The following CNTN5 variants were observed in gnomAD, a reference collection of about 807,000 sequenced individuals.
The protein encoded by CNTN5 is contactin-5.
Under a neutral mutation model 129.1 loss-of-function variants are expected in CNTN5, and 77 were observed. That is an observed-to-expected ratio of 0.60 (90% CI 0.50 to 0.72). CNTN5 has a LOEUF of 0.72. CNTN5 is among the 30% of genes least tolerant of loss of function. CNTN5 has a pLI of 0.00. For synonymous variants in CNTN5, 509 were observed against 465.6 expected, an observed-to-expected ratio of 1.09 and a Z score of -1.20; for missense variants, 1,478 against 1,328.8, an observed-to-expected ratio of 1.11 and a Z score of -1.75.
At chr11:99,396,873 G>A (rs1941552817) in intron 2 of CNTN5, among the ~76,000 whole-genome samples, 1 of 151,702 alleles carries the variant, frequency 6.6e-6, no homozygotes, top group Middle Eastern at 3.2e-3. Context: ...AATAAAACAA[G>A]TATCTAGTGC....
chr11:99,894,126 C>G (rs1949135910), intron 6 of CNTN5, among the ~76,000 whole-genome samples: 1 of 152,132 alleles, frequency 6.6e-6, no homozygotes, highest in Non-Finnish European at 1.5e-5. Flanking sequence ...CTTACCATCT[C>G]CCGTTCCCAC....
chr11:99,031,772 T>TA (rs1863386663), intron 1 of CNTN5, among the ~76,000 whole-genome samples: 1 of 152,136 alleles, frequency 6.6e-6, no homozygotes, highest in Admixed American at 6.5e-5. Context: ...TTCTTTTTTT[T>TA]TTTATTATTA....
intron 1 of CNTN5, among the ~76,000 whole-genome samples, chr11:99,271,120 T>C (rs1410824901): frequency 6.6e-6 from 1 of 151,948 alleles, no homozygotes; most frequent in Non-Finnish European, 1.5e-5. Context: ...CTCCATTTGT[T>C]GTGTAACAAA....
At position 100,286,084 on chromosome 11, in the gene CNTN5, G is replaced by C. The variant is rs547119015; in HGVS notation, c.2315-11541G>C. Among the ~76,000 whole-genome samples the C allele has an allele frequency of 3.3e-3, 509 of 152,338 alleles. 9 individuals are homozygous for C. The highest frequency in any genetic ancestry group is 0.026 in the Admixed American group (404 of 15,302). On this transcript the variant is annotated intron_variant, in intron 18 of 24. Transcript: ENST00000524871. The stretch of plus-strand genomic sequence containing the variant: ...ACGGCCCAACACGAGATTATATCCC[G>C]CACCTGGCTGGGAGGGTCCTACGCC...
rs140846696 is a variant in CNTN5, at chr11:99,672,724, G to T, written c.55+116455G>T. Among the ~76,000 whole-genome samples the T allele has an allele frequency of 2.3e-3, 352 of 150,620 alleles. 1 individual carries two copies. Among genetic ancestry groups the T allele is most frequent in the Middle Eastern group, 0.01 (3 of 294 alleles). On this transcript the variant is annotated intron_variant, in intron 3 of 24. Transcript: ENST00000524871. ...ACTGGGAAGTGTTATCAAGCCCTTTGACTTAATAACCTTCATTTTAAAAAT... is the reference window on the plus strand; with the variant it reads ...ACTGGGAAGTGTTATCAAGCCCTTTTACTTAATAACCTTCATTTTAAAAAT...
At chr11:99,092,039 T>G (rs544027958) in intron 1 of CNTN5, among the ~76,000 whole-genome samples, 14 of 152,180 alleles carry the variant, frequency 9.2e-5, no homozygotes, top group Non-Finnish European at 1.6e-4. Context: ...GTATTAATAA[T>G]GATTTTTCTT....
At chr11:99,711,121 T>C (rs1280363693) in intron 3 of CNTN5, among the ~76,000 whole-genome samples, 2 of 151,874 alleles carry the variant, frequency 1.3e-5, no homozygotes, top group Non-Finnish European at 2.9e-5. Flanking sequence ...CAAAACATTT[T>C]TGATTGTTCC....
At chr11:99,144,640 T>G (rs1472162456) in intron 1 of CNTN5, among the ~76,000 whole-genome samples, 1 of 152,212 alleles carries the variant, frequency 6.6e-6, no homozygotes, top group Non-Finnish European at 1.5e-5. Context: ...TTAATCTGAC[T>G]ACGTTATTTC....
intron 3 of CNTN5, among the ~76,000 whole-genome samples, chr11:99,713,120 T>G (rs1451006359): frequency 6.6e-6 from 1 of 152,156 alleles, no homozygotes. Context: ...TCCATGAGCA[T>G]GGAATGGCTT....
chr11:99,323,414 A>G (rs935978931), intron 1 of CNTN5, among the ~76,000 whole-genome samples: 8 of 152,298 alleles, frequency 5.3e-5, no homozygotes, highest in African/African-American at 4.8e-5. Flanking sequence ...GAAAATGACA[A>G]CCATCACCAC....
intron 2 of CNTN5, among the ~76,000 whole-genome samples, chr11:99,522,465 G>A (rs1218701306): frequency 1.3e-5 from 2 of 151,918 alleles, no homozygotes; most frequent in Non-Finnish European, 2.9e-5. Flanking sequence ...TATACTACTG[G>A]AACAAGTAAC....
intron 14 of CNTN5, among the ~76,000 whole-genome samples, chr11:100,192,936 A>ACTC (rs1948534471): frequency 6.6e-6 from 1 of 151,746 alleles, no homozygotes; most frequent in East Asian, 1.9e-4. Flanking sequence ...ATACTTTTCT[A>ACTC]CTCCTAAAAG....
At chr11:99,853,357 G>T (rs1040251910) in intron 6 of CNTN5, among the ~76,000 whole-genome samples, 1 of 151,694 alleles carries the variant, frequency 6.6e-6, no homozygotes, top group Non-Finnish European at 1.5e-5. Context: ...TATGTAGCAG[G>T]TATGTGTGTA....
chr11:99,829,573 G>GA (rs1448451224), intron 4 of CNTN5, among the ~76,000 whole-genome samples: 1 of 152,178 alleles, frequency 6.6e-6, no homozygotes, highest in African/African-American at 2.4e-5. Flanking sequence ...TGAGCAACCA[G>GA]AAAAGTCCTC....
intron 13 of CNTN5, among the ~76,000 whole-genome samples, chr11:100,109,319 G>A (rs563412761): frequency 1.3e-5 from 2 of 152,052 alleles, no homozygotes; most frequent in African/African-American, 2.4e-5. Context: ...CCAGCTACTC[G>A]GGAGGCTGAG....
chr11:99,033,885 G>A (rs1349999487), intron 1 of CNTN5, among the ~76,000 whole-genome samples: 4 of 150,680 alleles, frequency 2.7e-5, no homozygotes, highest in Admixed American at 6.6e-5. Flanking sequence ...TGCCCATTCA[G>A]TATGATATTG....
chr11:99,514,595 T>C (rs1426205634), intron 2 of CNTN5, among the ~76,000 whole-genome samples: 1 of 152,036 alleles, frequency 6.6e-6, no homozygotes, highest in East Asian at 1.9e-4. Context: ...GCAGGATCCT[T>C]CACTAGCAAA....
chr11:100,265,470 G>T (rs1950284414), intron 17 of CNTN5, among the ~76,000 whole-genome samples: 1 of 151,972 alleles, frequency 6.6e-6, no homozygotes, highest in South Asian at 2.1e-4. Context: ...ACTAGGTCAT[G>T]GGCCTTTTGG....
intron 2 of CNTN5, among the ~76,000 whole-genome samples, chr11:99,509,647 A>G (rs542013041): frequency 6.6e-6 from 1 of 152,258 alleles, no homozygotes; most frequent in East Asian, 1.9e-4. Context: ...ATGATGTCCC[A>G]GAGGTTTTGA....
Sources: gnomAD v4.1 joint callset for allele counts (sites outside exome capture counted in the v4.1 genomes callset) on GRCh38, gnomAD v4.1.1 for gene constraint, MANE v1.5 for transcripts, NCBI Gene and HGNC (gene_info 2026-07-23, HGNC 2026-07-21) for gene names.